Variants in ME3 observed in about 807,000 individuals in gnomAD.
The protein encoded by ME3 is malic enzyme 3.
Under a neutral mutation model 68.9 loss-of-function variants are expected in ME3, and 48 were observed. That is an observed-to-expected ratio of 0.70 (90% CI 0.55 to 0.89). The LOEUF is 0.89. ME3 is among the 40% of genes least tolerant of loss of function. ME3 has a pLI of 0.00. For missense variants in ME3, 675 were observed against 797.4 expected (o/e 0.85, Z 1.85); for synonymous variants, 320 against 318.8 (o/e 1.00, Z -0.04).
chr11:86,457,147 A>G (rs1022790409), intron 8 of ME3, among the ~76,000 whole-genome samples: 3 of 152,128 alleles, frequency 2.0e-5, no homozygotes, highest in East Asian at 1.9e-4. Flanking sequence ...TTTCCTGCAT[A>G]TTCAATTTTG....
intron 4 of ME3, among the ~76,000 whole-genome samples, chr11:86,547,973 A>G (rs1056226975): frequency 6.6e-6 from 1 of 152,206 alleles, no homozygotes; most frequent in Non-Finnish European, 1.5e-5. Flanking sequence ...AACCCAGAAC[A>G]TCCTGTTCTA....
Position 86,623,181 on chromosome 11 carries a change from A to C in ME3, c.183+48581T>G, listed in dbSNP as rs542435849. Among the ~76,000 whole-genome samples, 3 of 152,278 alleles carry C rather than the reference A, an allele frequency of 2.0e-5. No homozygotes were observed. The South Asian group carries it at 6.2e-4, about 32-fold the overall frequency. On this transcript the variant is annotated intron_variant, in intron 2 of 14. Coordinates refer to ENST00000543262, the Ensembl canonical transcript of ME3. Reference sequence around the variant, plus strand: ...TGCGTCGTCTCATCTGGTATCATCCAATCCACTGAGGGCTCACCCAAATAG... The same window carrying C: ...TGCGTCGTCTCATCTGGTATCATCCCATCCACTGAGGGCTCACCCAAATAG...
intron 2 of ME3, among the ~76,000 whole-genome samples, chr11:86,624,511 C>T (rs1418749198): frequency 6.6e-6 from 1 of 152,168 alleles, no homozygotes; most frequent in African/African-American, 2.4e-5. Flanking sequence ...GATTACTGCC[C>T]AAGGCCATAC....
chr11:86,644,592 T>G (rs138519373), intron 2 of ME3, among the ~76,000 whole-genome samples: 16 of 152,356 alleles, frequency 1.1e-4, no homozygotes, highest in African/African-American at 3.8e-4. Flanking sequence ...TGATATAAGC[T>G]GTTCCCTCTG....
intron 2 of ME3, among the ~76,000 whole-genome samples, chr11:86,623,542 T>C (rs1943478078): frequency 6.6e-6 from 1 of 152,230 alleles, no homozygotes; most frequent in Non-Finnish European, 1.5e-5. Context: ...TGAAGATTAA[T>C]TTAAATGAGT....
chr11:86,509,009 GT>G, intron 4 of ME3, 142 bp from the exon 5 acceptor site: 1 of 660,248 alleles, frequency 1.5e-6, no homozygotes, highest in Non-Finnish European at 2.6e-6. Flanking sequence ...GGCCCCAGCA[GT>G]TTAGAGGGTC....
chr11:86,523,420 A>G (rs1182071805), intron 4 of ME3, among the ~76,000 whole-genome samples: 2 of 152,162 alleles, frequency 1.3e-5, no homozygotes, highest in African/African-American at 4.8e-5. Flanking sequence ...TTGGAGTTTC[A>G]GGTGATGATT....
chr11:86,661,134 C>A (rs142439638), intron 2 of ME3, among the ~76,000 whole-genome samples: 1 of 152,354 alleles, frequency 6.6e-6, no homozygotes, highest in Non-Finnish European at 1.5e-5. Flanking sequence ...TCTCCTGGAT[C>A]TGAAGAAAAC....
chr11:86,435,950 A>G, the ME3 span: 4 of 152,244 alleles, frequency 2.6e-5, no homozygotes, highest in Non-Finnish European at 5.9e-5. Context: ...GGCAATTCCT[A>G]GAGAGCGATG....
downstream of ME3, among the ~76,000 whole-genome samples, chr11:86,440,048 C>T (rs1266856817): frequency 1.3e-5 from 2 of 152,208 alleles, no homozygotes; most frequent in Admixed American, 6.5e-5. Flanking sequence ...TGAGTGGTAT[C>T]TCTGCTAATT....
chr11:86,655,244 CT>C (rs1565281368), intron 2 of ME3, among the ~76,000 whole-genome samples: 1 of 152,128 alleles, frequency 6.6e-6, no homozygotes, highest in Non-Finnish European at 1.5e-5. Context: ...TTGGAAAAAA[CT>C]ACTTTAAAGT....
At chr11:86,559,475 AT>A (rs1308468058) in intron 3 of ME3, among the ~76,000 whole-genome samples, 1 of 151,514 alleles carries the variant, frequency 6.6e-6, no homozygotes, top group Non-Finnish European at 1.5e-5. Flanking sequence ...TTCCCTTCCC[AT>A]TTCCCCCAGG....
intron 2 of ME3, among the ~76,000 whole-genome samples, chr11:86,658,106 T>C (rs957641041): frequency 2.0e-5 from 3 of 146,772 alleles, no homozygotes; most frequent in Non-Finnish European, 3.0e-5. Flanking sequence ...ATGGGAGAGA[T>C]GTAGGCAAAG....
intron 7 of ME3, among the ~76,000 whole-genome samples, chr11:86,481,960 A>G (rs1373548163): frequency 1.3e-5 from 2 of 152,204 alleles, no homozygotes; most frequent in African/African-American, 4.8e-5. Context: ...AAGCAATCAG[A>G]GCTGGCACAA....
chr11:86,595,861 G>C (rs1430073926), intron 2 of ME3, among the ~76,000 whole-genome samples: 1 of 152,216 alleles, frequency 6.6e-6, no homozygotes, highest in Non-Finnish European at 1.5e-5. Flanking sequence ...GAAAGAAGTT[G>C]TGTTAGAGGG....
chr11:86,465,282 G>T (rs1284006985), intron 7 of ME3, 82 bp from the exon 8 acceptor site: 1 of 1,066,484 alleles, frequency 9.4e-7, no homozygotes, highest in Non-Finnish European at 1.5e-6. Flanking sequence ...CAGTGGGGTG[G>T]GGAGGTGCAG....
chr11:86,438,364 T>C (rs147846486), downstream of ME3, among the ~76,000 whole-genome samples: 96 of 152,340 alleles, frequency 6.3e-4, no homozygotes, highest in African/African-American at 2.3e-3. Flanking sequence ...TTAAATTTCA[T>C]GTTGCTGAAT....
intron 2 of ME3, among the ~76,000 whole-genome samples, chr11:86,576,313 T>G (rs764479423): frequency 2.0e-5 from 3 of 152,112 alleles, no homozygotes; most frequent in Non-Finnish European, 4.4e-5. Context: ...ACACAGATCT[T>G]AATGATAGTA....
At chr11:86,520,976 C>A (rs771244163) in intron 4 of ME3, among the ~76,000 whole-genome samples, 1 of 152,178 alleles carries the variant, frequency 6.6e-6, no homozygotes, top group Non-Finnish European at 1.5e-5. Context: ...TACCAAGGCA[C>A]GCAGTTATCT....
Sources: allele counts gnomAD v4.1 joint callset (sites outside exome capture counted in the v4.1 genomes callset), GRCh38; gene constraint gnomAD v4.1.1; transcripts MANE v1.5; gene names NCBI Gene and HGNC (gene_info 2026-07-23, HGNC 2026-07-21).